Variants in ACTR3C observed in about 807,000 individuals in gnomAD.
ACTR3C encodes the protein actin related protein 3C, also known as actin-related protein 3C.
In ACTR3C, 18 loss-of-function variants were observed where a neutral mutation model predicts 26.3. The ratio of observed to expected loss-of-function variants is 0.68; its 90% CI spans 0.47 to 1.01. The LOEUF (loss-of-function observed/expected upper bound fraction) is 1.01. ACTR3C is among the 50% of genes least tolerant of loss of function. The probability of loss-of-function intolerance (pLI) is 0.00; values close to 1 mark genes in which losing one functional copy is unlikely to be tolerated. For missense variants in ACTR3C, 184 were observed against 250.7 expected (o/e 0.73, Z 1.80); for synonymous variants, 55 against 94.5 (o/e 0.58, Z 2.42).
chr7:150,170,158 G>A, the ACTR3C span, among the ~76,000 whole-genome samples: 8 of 149,880 alleles, frequency 5.3e-5, no homozygotes, highest in Admixed American at 6.6e-5. Context: ...TGTGACTGAC[G>A]GCAGATCCCA....
chr7:150,087,658 G>T, the ACTR3C span, among the ~76,000 whole-genome samples: 5 of 152,160 alleles, frequency 3.3e-5, no homozygotes, highest in African/African-American at 4.8e-5. Context: ...AATATGCAGG[G>T]TTGATGACCA....
the ACTR3C span, chr7:150,002,206 G>A: frequency 6.6e-6 from 1 of 152,242 alleles, no homozygotes. Context: ...CCTCAGAGAA[G>A]GTAAGAAATG....
the ACTR3C span, among the ~76,000 whole-genome samples, chr7:149,963,795 G>T: frequency 1.3e-5 from 2 of 152,106 alleles, no homozygotes; most frequent in Non-Finnish European, 2.9e-5. Flanking sequence ...TTTCTATGAG[G>T]TATATAATAA....
chr7:150,180,073 AG>A, the ACTR3C span, among the ~76,000 whole-genome samples: 1 of 151,138 alleles, frequency 6.6e-6, no homozygotes, highest in South Asian at 2.1e-4. Flanking sequence ...TGGGAGGCCG[AG>A]GGGGGTGGAT....
chr7:150,034,648 C>T, the ACTR3C span, among the ~76,000 whole-genome samples: 21 of 148,652 alleles, frequency 1.4e-4, no homozygotes, highest in South Asian at 1.1e-3. Flanking sequence ...TCGGACCCGT[C>T]GGATCGTAAA....
chr7:150,160,034 A>T, the ACTR3C span, among the ~76,000 whole-genome samples: 1 of 152,064 alleles, frequency 6.6e-6, no homozygotes, highest in Non-Finnish European at 1.5e-5. Flanking sequence ...ACCTCAGGTG[A>T]TGTGCCCGCC....
chr7:150,149,796 A>G, the ACTR3C span, among the ~76,000 whole-genome samples: 1 of 152,096 alleles, frequency 6.6e-6, no homozygotes, highest in South Asian at 2.1e-4. Context: ...ATGTGTGTGA[A>G]ATCCTTCCCT....
the ACTR3C span, among the ~76,000 whole-genome samples, chr7:149,901,337 T>C: frequency 6.7e-6 from 1 of 150,258 alleles, no homozygotes; most frequent in Non-Finnish European, 1.5e-5. Context: ...ACACACATTG[T>C]ACCAACATCC....
At chr7:150,270,904 T>C (rs902818493) in intron 6 of ACTR3C, among the ~76,000 whole-genome samples, 5 of 152,106 alleles carry the variant, frequency 3.3e-5, no homozygotes, top group African/African-American at 1.2e-4. Flanking sequence ...AGGTCATCTT[T>C]TCAGGAACTC....
chr7:150,045,452 C>T, the ACTR3C span, among the ~76,000 whole-genome samples: 3 of 151,560 alleles, frequency 2.0e-5, no homozygotes, highest in South Asian at 4.2e-4. Flanking sequence ...AGATGTGTGC[C>T]GGATATATAT....
At chr7:150,277,957 C>T (rs139363464) in intron 6 of ACTR3C, among the ~76,000 whole-genome samples, 128 of 152,272 alleles carry the variant, frequency 8.4e-4, no homozygotes, top group African/African-American at 2.8e-3. Context: ...TAACTCCATG[C>T]GAGGCCCCTC....
the ACTR3C span, among the ~76,000 whole-genome samples, chr7:149,889,699 A>C: frequency 6.6e-6 from 1 of 152,136 alleles, no homozygotes; most frequent in Non-Finnish European, 1.5e-5. Context: ...TCCACAAAAA[A>C]TTTTTAAAAA....
the ACTR3C span, among the ~76,000 whole-genome samples, chr7:149,974,669 A>G: frequency 6.6e-6 from 1 of 152,198 alleles, no homozygotes; most frequent in Non-Finnish European, 1.5e-5. Flanking sequence ...TTGGGCTCCC[A>G]TAAGGTAATT....
intron 1 of ACTR3C, among the ~76,000 whole-genome samples, chr7:150,317,536 A>G (rs1170658660): frequency 6.6e-6 from 1 of 152,106 alleles, no homozygotes; most frequent in East Asian, 1.9e-4. Flanking sequence ...AATTTTACCT[A>G]TTTTCCAGTT....
At chr7:150,039,507 GT>G in the ACTR3C span, among the ~76,000 whole-genome samples, 1 of 53,290 alleles carries the variant, frequency 1.9e-5, no homozygotes, top group Non-Finnish European at 4.5e-5. Context: ...CCCCACTCTC[GT>G]GGGGGGTGCC....
chr7:150,003,305 T>C, the ACTR3C span, among the ~76,000 whole-genome samples: 1 of 152,404 alleles, frequency 6.6e-6, no homozygotes, highest in East Asian at 1.9e-4. Flanking sequence ...GTTGGTATAA[T>C]ATGTGCAGTG....
the ACTR3C span, among the ~76,000 whole-genome samples, chr7:150,053,916 G>A: frequency 1.1e-3 from 174 of 152,340 alleles, 6 homozygotes; most frequent in South Asian, 0.034. Flanking sequence ...ATTCACCCCC[G>A]AAAGAGAAGG....
At chr7:149,986,159 G>C in the ACTR3C span, among the ~76,000 whole-genome samples, 1 of 151,854 alleles carries the variant, frequency 6.6e-6, no homozygotes, top group Non-Finnish European at 1.5e-5. Flanking sequence ...ATTTCCTCTT[G>C]GTGGGATGAG....
the ACTR3C span, among the ~76,000 whole-genome samples, chr7:150,072,960 C>T: frequency 1.3e-5 from 2 of 152,196 alleles, no homozygotes; most frequent in African/African-American, 4.8e-5. Context: ...AGCAAATCAA[C>T]TCCAGAAGTC....
Sources: gnomAD v4.1 joint callset for allele counts (sites outside exome capture counted in the v4.1 genomes callset) on GRCh38, gnomAD v4.1.1 for gene constraint, MANE v1.5 for transcripts, NCBI Gene and HGNC (gene_info 2026-07-23, HGNC 2026-07-21) for gene names.